The following TET2 variants were observed in gnomAD, a reference collection of about 807,000 sequenced individuals.
The protein encoded by TET2 is tet methylcytosine dioxygenase 2.
A neutral mutation model predicts 142.9 loss-of-function variants in TET2; 299 were observed. That is an observed-to-expected ratio of 2.09 (90% CI 1.90 to 2.30). The LOEUF (loss-of-function observed/expected upper bound fraction) is 2.30, where lower values mean the gene tolerates loss of function less well. Among genes scored for constraint, TET2 ranks in the 30% most tolerant of loss-of-function variants. The pLI, the probability that TET2 is intolerant of heterozygous loss-of-function variation, is 0.00. For synonymous variants in TET2, 819 were observed against 849.0 expected, an observed-to-expected ratio of 0.96 and a Z score of 0.61; for missense variants, 2,418 against 2,378.0, an observed-to-expected ratio of 1.02 and a Z score of -0.35.
In TET2 at chr4:105,242,821, G is replaced by A. The variant is rs1404611732; in HGVS notation, c.3501-13G>A. On this transcript the variant is annotated splice_polypyrimidine_tract_variant and intron_variant, in intron 4 of 10. Transcript: ENST00000380013. ...TAATTGTATGTGTGTGTGTTTCTGT[G>A]GGTTTCTTTAAGGTTTGGACAGAAG... The A allele has an allele frequency of 6.5e-7, 1 of 1,547,600 alleles. No homozygotes were observed. The highest frequency in any genetic ancestry group is 8.7e-7 in the Non-Finnish European group (1 of 1,145,980).
In TET2 at chr4:105,278,069, G is replaced by A; in HGVS notation, c.*1550G>A. On this transcript the variant is annotated 3_prime_UTR_variant, in exon 11 of 11. Transcript: ENST00000380013. ...TGTGGTGGTTTTAAATCATTAATTT[G>A]TATAAAGAAGTGAAAGAGTTGTATA... The A allele has an allele frequency of 5.0e-6, 1 of 200,686 alleles. No individual in the cohort carries two copies. The highest frequency in any genetic ancestry group is 1.0e-5 in the Non-Finnish European group (1 of 97,904). 12.4% of individuals were successfully genotyped at this position (200,686 alleles called of 1,614,324 possible).
At chr4:105,248,998 TTTC>T (rs1729725156) in intron 6 of TET2, among the ~76,000 whole-genome samples, 2 of 137,000 alleles carry the variant, frequency 1.5e-5, no homozygotes, top group Non-Finnish European at 3.2e-5. Flanking sequence ...CTTTTTTCTT[TTTC>T]TTTTTTTTTT....
At position 105,236,361 on chromosome 4, in the gene TET2, G is replaced by T. The variant is rs1728908659; in HGVS notation, c.2419G>T (p.Glu807Ter). ...FETHNVQMGL[E>*]EVQNINRRNS... The stretch of plus-strand genomic sequence containing the variant: ...GACTCATAATGTCCAAATGGGACTG[G>T]AGGAAGTACAGAATATAAATCGTAG... The change falls in exon 3 of 11, where the codon GAG becomes TAG. Residue 807 changes from glutamate to a stop codon, truncating the protein, a stop_gained. Coordinates refer to ENST00000380013, the MANE Select transcript of TET2 (RefSeq NM_001127208.3). LOFTEE classifies it high-confidence loss of function. 6.2e-7 allele frequency: 1 copy of T among 1,613,878 alleles called. No homozygotes were observed. The highest frequency in any genetic ancestry group is 8.5e-7 in the Non-Finnish European group (1 of 1,180,026).
chr4:105,273,111 C>G (rs895748159), intron 10 of TET2, among the ~76,000 whole-genome samples, 193 bp downstream of exon 10: 1 of 152,160 alleles, frequency 6.6e-6, no homozygotes, highest in African/African-American at 2.4e-5. Flanking sequence ...GTATTAAGCC[C>G]AGCATCTTCC....
intron 2 of TET2, among the ~76,000 whole-genome samples, chr4:105,218,485 C>CA (rs1001106847): frequency 6.6e-6 from 1 of 152,116 alleles, no homozygotes. Context: ...TTACACCCTT[C>CA]AAACCGAAAG....
In TET2 at chr4:105,234,462, C is replaced by T; in HGVS notation, c.520C>T (p.Pro174Ser). Residue 174 changes from proline (P) to serine (S), a missense_variant, in exon 3 of 11, where the codon CCT (proline) becomes TCT (serine). Coordinates refer to ENST00000380013, the MANE Select transcript of TET2 (RefSeq NM_001127208.3). ...TSFSTHNCSGPENPELQILNE... is the reference protein window; with the variant it reads ...TSFSTHNCSGSENPELQILNE... ...TTTTTCAACACATAACTGCAGTGGG[C>T]CTGAAAATCCAGAGCTTCAGATTCT... 5.0e-6 allele frequency: 8 copies of T among 1,613,904 alleles called. No individual in the cohort carries two copies. The highest frequency in any genetic ancestry group is 6.8e-6 in the Non-Finnish European group (8 of 1,179,962).
chr4:105,173,553 A>G (rs769986021), intron 1 of TET2, among the ~76,000 whole-genome samples: 1 of 152,050 alleles, frequency 6.6e-6, no homozygotes, highest in Non-Finnish European at 1.5e-5. Flanking sequence ...AAAAGACTCA[A>G]TCTTACTAAA....
chr4:105,157,661 C>T (rs1723634140), intron 1 of TET2, among the ~76,000 whole-genome samples: 1 of 152,114 alleles, frequency 6.6e-6, no homozygotes, highest in South Asian at 2.1e-4. Context: ...ACTGTGGGAA[C>T]TAAAAATTTT....
In TET2 at chr4:105,219,412, T is replaced by C. The variant is rs150053685; in HGVS notation, c.-46-14485T>C. On this transcript the variant is annotated intron_variant, in intron 2 of 10. Coordinates refer to ENST00000380013, the MANE Select transcript of TET2 (RefSeq NM_001127208.3). ...ATAGATGGCATGCCTTTTGAGGCAA[T>C]GGTAGGGAACAAAATATTTTTGAGA... Among the ~76,000 whole-genome samples the C allele has an allele frequency of 1.2e-3, 188 of 152,246 alleles. 1 individual carries two copies. The Middle Eastern group carries it at 0.014, about 11-fold the overall frequency.
chr4:105,251,753 A>G (rs763719940), intron 6 of TET2, among the ~76,000 whole-genome samples: 2 of 152,186 alleles, frequency 1.3e-5, no homozygotes, highest in Non-Finnish European at 2.9e-5. Flanking sequence ...GCATTGGGAA[A>G]TGTTCCCTTC....
intron 1 of TET2, chr4:105,147,608 G>A (rs1723089578): frequency 6.6e-6 from 1 of 152,082 alleles, no homozygotes; most frequent in African/African-American, 2.4e-5. Flanking sequence ...CGTTTTGTTA[G>A]CGGCGCTGAG....
At chr4:105,225,865 A>G (rs1728162709) in intron 2 of TET2, among the ~76,000 whole-genome samples, 1 of 152,192 alleles carries the variant, frequency 6.6e-6, no homozygotes, top group African/African-American at 2.4e-5. Flanking sequence ...AAAAATCATC[A>G]GCAGTCCAGC....
intron 1 of TET2, among the ~76,000 whole-genome samples, chr4:105,156,311 A>G (rs1355615380): frequency 6.6e-6 from 1 of 152,098 alleles, no homozygotes; most frequent in African/African-American, 2.4e-5. Flanking sequence ...CTGATGTACT[A>G]CTCTCTTCAA....
Position 105,243,649 on chromosome 4 carries a change from T to G in TET2, c.3674T>G (p.Val1225Gly), listed in dbSNP as rs2110255050. ...ERAGHTCEAA[V>G]IVILILVWEG... is the part of the protein sequence containing the mutation. The stretch of plus-strand genomic sequence containing the variant: ...GCTGGCCACACCTGTGAGGCTGCAG[T>G]GATTGTGATTCTCATCCTGGTGTGG... Residue 1225 changes from valine to glycine, a missense_variant, in exon 6 of 11, where the codon GTG becomes GGG. Physicochemically the swap from Val to Gly is moderately radical, Grantham distance 109. Transcript: ENST00000380013. 2 of 1,551,580 alleles carry G rather than the reference T, an allele frequency of 1.3e-6. No homozygotes were observed. Among genetic ancestry groups the G allele is most frequent in the Non-Finnish European group, 1.7e-6 (2 of 1,146,936 alleles).
At chr4:105,268,817 C>CA (rs1016918251) in intron 8 of TET2, among the ~76,000 whole-genome samples, 7 of 151,952 alleles carry the variant, frequency 4.6e-5, no homozygotes, top group African/African-American at 1.7e-4. Context: ...AATAAAAATA[C>CA]AAAAAATTAC....
At chr4:105,225,209 T>TGTGTGTGTGTGTGA (rs1728115049) in intron 2 of TET2, among the ~76,000 whole-genome samples, 1 of 151,452 alleles carries the variant, frequency 6.6e-6, no homozygotes, top group African/African-American at 2.4e-5. Flanking sequence ...TGTGTGTGTG[T>TGTGTGTGTGTGTGA]GATTTGAATA....
At chr4:105,172,146 A>G (rs1320698916) in intron 1 of TET2, among the ~76,000 whole-genome samples, 1 of 152,140 alleles carries the variant, frequency 6.6e-6, no homozygotes. Context: ...TGCATCACAG[A>G]CCTTAAATAA....
rs1382666416 is a variant in TET2 at position 105,239,400 on chromosome 4, G to C, written c.3410-1939G>C. ...CTGTTTAGTACAGCCACCTTCATCA[G>C]TGATCTTAGCTAGATCTTCTGCATA... On this transcript the variant is annotated intron_variant, in intron 3 of 10. Coordinates refer to ENST00000380013, the MANE Select transcript of TET2 (RefSeq NM_001127208.3). The C allele has an allele frequency of 4.6e-5, 11 of 240,550 alleles. No individual in the cohort carries two copies. In the East Asian group the frequency reaches 6.4e-4, roughly 14 times the overall value. The allele number at this position is 240,550 out of a possible 1,614,324, so 14.9% of individuals were successfully genotyped here. A position where few individuals can be genotyped will look rare whatever the true frequency, so the allele number is the denominator to read the frequency against.
intron 6 of TET2, among the ~76,000 whole-genome samples, chr4:105,248,045 T>C (rs1729672279): frequency 6.6e-6 from 1 of 152,170 alleles, no homozygotes; most frequent in Non-Finnish European, 1.5e-5. Context: ...TATAAGTATG[T>C]GTGCATGTAT....
Sources: allele counts gnomAD v4.1 joint callset (sites outside exome capture counted in the v4.1 genomes callset), GRCh38; gene constraint gnomAD v4.1.1; transcripts MANE v1.5; gene names NCBI Gene and HGNC (gene_info 2026-07-23, HGNC 2026-07-21).